The following PCID2 variants were observed in gnomAD, a reference collection of about 807,000 sequenced individuals.
PCID2 encodes the protein PCI domain containing 2.
Under a neutral mutation model 61.3 loss-of-function variants are expected in PCID2, and 41 were observed. The observed-to-expected ratio is 0.67, with a 90% CI of 0.52 to 0.87. The LOEUF is 0.87. Among genes scored for constraint, PCID2 ranks in the 40% least tolerant of loss-of-function variants. The pLI is 0.00. For missense variants in PCID2, 392 were observed against 493.4 expected (o/e 0.79, Z 1.95); for synonymous variants, 187 against 177.8 (o/e 1.05, Z -0.41).
At chr13:113,172,067 T>A in the PCID2 span, 1 of 1,613,034 alleles carries the variant, frequency 6.2e-7, no homozygotes. Context: ...CACCAAGGTC[T>A]CCAGGTACTC....
At chr13:113,199,718 G>A (rs2039277319) in intron 2 of PCID2, among the ~76,000 whole-genome samples, 1 of 152,166 alleles carries the variant, frequency 6.6e-6, no homozygotes, top group Non-Finnish European at 1.5e-5. Context: ...CCTACTTAGA[G>A]CAATGGTTTT....
the PCID2 span, among the ~76,000 whole-genome samples, chr13:113,170,080 T>C: frequency 6.6e-6 from 1 of 152,214 alleles, no homozygotes; most frequent in East Asian, 1.9e-4. Context: ...TTCTTGGGGA[T>C]TACGATTCCT....
chr13:113,187,886 G>GT (rs1183730765), intron 7 of PCID2: 3 of 152,020 alleles, frequency 2.0e-5, no homozygotes, highest in Non-Finnish European at 4.4e-5. Flanking sequence ...TTTTGTTGTC[G>GT]TATCTGAGAA....
At chr13:113,204,630 G>A (rs1250378247) in intron 1 of PCID2, among the ~76,000 whole-genome samples, 1 of 152,234 alleles carries the variant, frequency 6.6e-6, no homozygotes, top group African/African-American at 2.4e-5. Context: ...CAGTGCCACA[G>A]GGCCTTGAGC....
At chr13:113,201,674 T>C (rs2039439334) in intron 1 of PCID2, among the ~76,000 whole-genome samples, 2 of 151,202 alleles carry the variant, frequency 1.3e-5, no homozygotes, top group Admixed American at 1.3e-4. Context: ...TAGCCGGGTG[T>C]GGTGGTGGGC....
chr13:113,195,883 A>C (rs1315189786), intron 5 of PCID2, among the ~76,000 whole-genome samples: 3 of 152,236 alleles, frequency 2.0e-5, no homozygotes, highest in African/African-American at 7.2e-5. Context: ...CCAAAAGTTC[A>C]AAATTGACAA....
At chr13:113,185,750 TG>T in intron 7 of PCID2, 190 bp from the exon 8 acceptor site, 2 of 463,338 alleles carry the variant, frequency 4.3e-6, no homozygotes, top group East Asian at 6.3e-5. Flanking sequence ...ATGTCTTACC[TG>T]ATGGGTAAAA....
At chr13:113,178,511 A>G (rs1360053247) in intron 13 of PCID2, 8 of 460,972 alleles carry the variant, frequency 1.7e-5, no homozygotes, top group East Asian at 8.7e-5. Context: ...ATATTTGGGG[A>G]AAAAAAATGC....
At chr13:113,207,753 CTT>C (rs2040005219) in intron 1 of PCID2, among the ~76,000 whole-genome samples, 1 of 152,190 alleles carries the variant, frequency 6.6e-6, no homozygotes, top group Admixed American at 6.5e-5. Context: ...ATGCCCAAAA[CTT>C]TATTTCTCCC....
intron 6 of PCID2, 73 bp downstream of exon 6, chr13:113,194,998 T>C: frequency 9.4e-7 from 1 of 1,062,288 alleles, no homozygotes; most frequent in Non-Finnish European, 1.5e-6. Flanking sequence ...CTGGGAAGAA[T>C]GACATGAAAT....
intron 6 of PCID2, among the ~76,000 whole-genome samples, chr13:113,193,125 A>T (rs1484926693): frequency 2.6e-5 from 4 of 152,178 alleles, no homozygotes; most frequent in Non-Finnish European, 4.4e-5. Flanking sequence ...AGTTTATAGT[A>T]TTTTCTTATA....
At chr13:113,183,929 G>C in intron 9 of PCID2, 1 of 985,380 alleles carries the variant, frequency 1.0e-6, no homozygotes, top group Non-Finnish European at 1.2e-6. Flanking sequence ...CATATCCCCT[G>C]CTTCTAAGTC....
chr13:113,172,483 T>C, the PCID2 span: 1 of 324,454 alleles, frequency 3.1e-6, no homozygotes, highest in Non-Finnish European at 5.9e-6. Context: ...TGTGTTCTGG[T>C]GCAGAAGCGA....
At chr13:113,194,660 G>A (rs565929675) in intron 6 of PCID2, among the ~76,000 whole-genome samples, 2 of 152,284 alleles carry the variant, frequency 1.3e-5, no homozygotes, top group East Asian at 3.9e-4. Flanking sequence ...ATAAAACCCA[G>A]GATCTCCCTT....
At chr13:113,175,036 C>T (rs2476328), downstream of PCID2, among the ~76,000 whole-genome samples, 110,002 of 152,102 alleles carry the variant, frequency 0.72, 40,309 homozygotes, top group Middle Eastern at 0.81. Flanking sequence ...ACAGTGAGGG[C>T]GTCTAACGAG....
intron 10 of PCID2, among the ~76,000 whole-genome samples, chr13:113,180,461 C>T (rs1180991775): frequency 6.6e-6 from 1 of 152,202 alleles, no homozygotes; most frequent in East Asian, 1.9e-4. Flanking sequence ...TTGATCTTGA[C>T]CTTCTCACAT....
At chr13:113,189,539 C>T (rs908181797) in intron 7 of PCID2, among the ~76,000 whole-genome samples, 2 of 152,002 alleles carry the variant, frequency 1.3e-5, no homozygotes, top group African/African-American at 4.8e-5. Flanking sequence ...TTTAAAATTT[C>T]CTAAATCTCA....
chr13:113,182,867 AATAAT>A (rs1468984999), intron 9 of PCID2, among the ~76,000 whole-genome samples: 1 of 152,200 alleles, frequency 6.6e-6, no homozygotes, highest in African/African-American at 2.4e-5. Flanking sequence ...TTTTGCATCA[AATAAT>A]ATATTTCGGT....
chr13:113,166,476 C>CTTA, the PCID2 span: 1 of 152,118 alleles, frequency 6.6e-6, no homozygotes, highest in South Asian at 2.1e-4. Context: ...GTCAGTTTCA[C>CTTA]CCGACTCTTA....
Sources: allele counts gnomAD v4.1 joint callset (sites outside exome capture counted in the v4.1 genomes callset), GRCh38; gene constraint gnomAD v4.1.1; transcripts MANE v1.5; gene names NCBI Gene and HGNC (gene_info 2026-07-23, HGNC 2026-07-21).